The following IQCK variants were observed in gnomAD, a reference collection of about 807,000 sequenced individuals.
IQCK encodes the protein IQ domain-containing protein K.
A neutral mutation model predicts 28.1 loss-of-function variants in IQCK; 29 were observed. That is an observed-to-expected ratio of 1.03 (90% confidence interval 0.77 to 1.41). IQCK has a LOEUF of 1.41. Among genes scored for constraint, IQCK ranks in the 40% most tolerant of loss-of-function variants. IQCK has a pLI of 0.00. For synonymous variants in IQCK, 113 were observed against 115.1 expected, an observed-to-expected ratio of 0.98 and a Z score of 0.12; for missense variants, 359 against 314.7, an observed-to-expected ratio of 1.14 and a Z score of -1.07.
At chr16:19,772,727 G>A (rs2055336008) in intron 6 of IQCK, among the ~76,000 whole-genome samples, 1 of 152,030 alleles carries the variant, frequency 6.6e-6, no homozygotes, top group African/African-American at 2.4e-5. Flanking sequence ...AATGAGATTA[G>A]GGCTAGATGC....
chr16:19,843,092 G>A (rs2056379621), intron 9 of IQCK, among the ~76,000 whole-genome samples: 1 of 152,192 alleles, frequency 6.6e-6, no homozygotes, highest in African/African-American at 2.4e-5. Context: ...GATTGTAGAA[G>A]TAATACTTGC....
At chr16:19,849,742 C>T (rs981241537) in intron 9 of IQCK, among the ~76,000 whole-genome samples, 2 of 144,674 alleles carry the variant, frequency 1.4e-5, no homozygotes, top group Non-Finnish European at 3.0e-5. Flanking sequence ...GCCTGGGCAA[C>T]AGAATGACAC....
intron 7 of IQCK, among the ~76,000 whole-genome samples, chr16:19,809,136 C>T (rs1422416917): frequency 3.3e-5 from 5 of 152,234 alleles, no homozygotes; most frequent in Non-Finnish European, 5.9e-5. Context: ...GGATTACAGG[C>T]GTAAGCCACC....
chr16:19,837,349 C>T (rs1173205349), intron 9 of IQCK, among the ~76,000 whole-genome samples: 1 of 152,078 alleles, frequency 6.6e-6, no homozygotes, highest in East Asian at 1.9e-4. Flanking sequence ...TTCAGAAAGC[C>T]ATGATCACGC....
downstream of IQCK, among the ~76,000 whole-genome samples, chr16:19,828,517 C>T (rs1011266489): frequency 1.3e-5 from 2 of 151,940 alleles, no homozygotes; most frequent in African/African-American, 2.4e-5. Flanking sequence ...GGATTACAGG[C>T]ATGAGCCACC....
intron 7 of IQCK, among the ~76,000 whole-genome samples, chr16:19,814,786 C>CATTT (rs1555520986): frequency 3.3e-5 from 4 of 122,430 alleles, no homozygotes; most frequent in Non-Finnish European, 6.8e-5. Flanking sequence ...TAAAGAGGGT[C>CATTT]TTTTTTTTTT....
chr16:19,824,832 C>T (rs1344955973), intron 7 of IQCK, among the ~76,000 whole-genome samples: 1 of 152,206 alleles, frequency 6.6e-6, no homozygotes, highest in Non-Finnish European at 1.5e-5. Flanking sequence ...ATTCCTGTAT[C>T]ATCCAAGACT....
chr16:19,733,161 G>C (rs1315601984), intron 2 of IQCK, among the ~76,000 whole-genome samples: 1 of 151,536 alleles, frequency 6.6e-6, no homozygotes, highest in Non-Finnish European at 1.5e-5. Flanking sequence ...TTTTGAGATG[G>C]AGTTTCACTC....
chr16:19,728,612 C>T (rs1977732945), intron 1 of IQCK, among the ~76,000 whole-genome samples: 1 of 152,154 alleles, frequency 6.6e-6, no homozygotes. Context: ...GGAAAAGTAT[C>T]CCAACCCTCA....
chr16:19,815,629 C>T (rs1238611809), intron 7 of IQCK, among the ~76,000 whole-genome samples: 2 of 152,198 alleles, frequency 1.3e-5, no homozygotes, highest in Non-Finnish European at 2.9e-5. Flanking sequence ...TGCGATTGCA[C>T]CACTGCATTC....
intron 1 of IQCK, among the ~76,000 whole-genome samples, chr16:19,721,494 C>T (rs533916321): frequency 2.0e-5 from 3 of 152,224 alleles, no homozygotes; most frequent in African/African-American, 7.2e-5. Context: ...TCTTCCCGGC[C>T]AACACTTCTA....
chr16:19,765,139 G>A (rs2055212237), intron 6 of IQCK, among the ~76,000 whole-genome samples: 1 of 144,502 alleles, frequency 6.9e-6, no homozygotes, highest in African/African-American at 2.5e-5. Flanking sequence ...GGAGAATGGC[G>A]TGAACCCTGG....
intron 9 of IQCK, among the ~76,000 whole-genome samples, chr16:19,838,121 C>T (rs1174862436): frequency 2.0e-5 from 3 of 152,208 alleles, no homozygotes; most frequent in Admixed American, 6.5e-5. Context: ...GCTGTCTGGG[C>T]GAATCTAAAC....
At chr16:19,747,635 C>G (rs1239686081) in intron 4 of IQCK, among the ~76,000 whole-genome samples, 1 of 152,084 alleles carries the variant, frequency 6.6e-6, no homozygotes, top group Admixed American at 6.6e-5. Context: ...TCATCACCCT[C>G]CTCCCACCCC....
At chr16:19,836,536 C>T (rs956952385) in intron 9 of IQCK, among the ~76,000 whole-genome samples, 7 of 152,156 alleles carry the variant, frequency 4.6e-5, no homozygotes, top group South Asian at 2.1e-4. Context: ...GAAGTTTATG[C>T]GAATGACCAC....
At chr16:19,779,994 C>T (rs1037784109) in intron 6 of IQCK, among the ~76,000 whole-genome samples, 7 of 149,404 alleles carry the variant, frequency 4.7e-5, no homozygotes, top group East Asian at 4.0e-4. Flanking sequence ...TGGGACCTTA[C>T]AGGCGTGAGC....
At chr16:19,803,167 G>C (rs2055782589) in intron 7 of IQCK, among the ~76,000 whole-genome samples, 1 of 152,068 alleles carries the variant, frequency 6.6e-6, no homozygotes, top group Non-Finnish European at 1.5e-5. Flanking sequence ...TTTTGAGACA[G>C]AGTCTCACTC....
Position 19,735,556 on chromosome 16 carries a change from C to G in IQCK, c.474+106C>G, listed in dbSNP as rs370519860. ...CCATCAGGTTGTTCTCCAGATGACCCCTTCGGGAGGGAAAGCCTGTGTTTG... is the reference window on the plus strand; with the variant it reads ...CCATCAGGTTGTTCTCCAGATGACCGCTTCGGGAGGGAAAGCCTGTGTTTG... On this transcript the variant is annotated intron_variant, in intron 4 of 7. Transcript: ENST00000564186. 4.3e-6 allele frequency: 4 copies of G among 925,058 alleles called. No homozygotes were observed. In the African/African-American group the frequency reaches 6.6e-5, roughly 15 times the overall value. 57.3% of individuals were successfully genotyped at this position (925,058 alleles called of 1,614,324 possible).
intron 6 of IQCK, 107 bp downstream of exon 6, chr16:19,764,219 C>A: frequency 1.1e-6 from 1 of 885,512 alleles, no homozygotes; most frequent in Non-Finnish European, 1.8e-6. Context: ...ATCCAGGACT[C>A]TGGGCCAGTC....
Sources: allele counts gnomAD v4.1 joint callset (sites outside exome capture counted in the v4.1 genomes callset), GRCh38; gene constraint gnomAD v4.1.1; transcripts MANE v1.5; gene names NCBI Gene and HGNC (gene_info 2026-07-23, HGNC 2026-07-21).